Variants in PCDHA4 observed in about 807,000 individuals in gnomAD.
The protein encoded by PCDHA4 is protocadherin alpha-4.
A neutral mutation model predicts 61.4 loss-of-function variants in PCDHA4; 49 were observed. The observed-to-expected ratio is 0.80, with a 90% CI of 0.63 to 1.01. The LOEUF is 1.01. Ranked by LOEUF, PCDHA4 falls within the 50% of genes least tolerant of loss-of-function variation. The probability of loss-of-function intolerance (pLI) is 0.00; values close to 1 mark genes in which losing one functional copy is unlikely to be tolerated. For missense variants in PCDHA4, 1,254 were observed against 1,235.8 expected (o/e 1.01, Z -0.22); for synonymous variants, 590 against 550.3 (o/e 1.07, Z -1.01).
rs1554149566 is a variant in PCDHA4 at position 140,857,139 on chromosome 5, T to C, written c.2385+47567T>C. ...CTCCCAGTGAAAGAAGATGCTCAAG[T>C]GGGCACCGTCATTGCCCTAATCAGC... On this transcript the variant is annotated intron_variant, in intron 1 of 3. Transcript: ENST00000530339. 4 of 1,598,152 alleles carry C rather than the reference T, an allele frequency of 2.5e-6. 1 individual carries two copies. The highest frequency in any genetic ancestry group is 1.7e-5 in the Admixed American group (1 of 59,246).
chr5:140,837,058 T>C, intron 1 of PCDHA4: 1 of 190,160 alleles, frequency 5.3e-6, no homozygotes, highest in Non-Finnish European at 1.1e-5. Flanking sequence ...TACATTTCCA[T>C]ATTTTGATAA....
At position 140,849,867 on chromosome 5, in the gene PCDHA4, T is replaced by C. The variant is rs2150454998; in HGVS notation, c.2385+40295T>C. On this transcript the variant is annotated intron_variant, in intron 1 of 3. Coordinates refer to ENST00000530339, the MANE Select transcript of PCDHA4 (RefSeq NM_018907.4). ...CGACAACGCACCAGCGTTCGCGCAG[T>C]CCGAGTACACGGTGTTCGTGAAGGA... The C allele has an allele frequency of 6.1e-5, 97 of 1,598,416 alleles. 5 individuals carry two copies. Among genetic ancestry groups the C allele is most frequent in the Non-Finnish European group, 6.9e-5 (81 of 1,167,974 alleles).
At chr5:140,815,065 G>A (rs1000683803) in intron 1 of PCDHA4, 1 of 151,794 alleles carries the variant, frequency 6.6e-6, no homozygotes, top group African/African-American at 2.4e-5. Flanking sequence ...TAACTTTCAG[G>A]CTATCCAGGT....
At chr5:140,927,409 A>T (rs1554204480) in intron 1 of PCDHA4, 4 of 1,614,120 alleles carry the variant, frequency 2.5e-6, no homozygotes, top group Non-Finnish European at 3.4e-6. Context: ...TCGCCTGGAC[A>T]TGGGATCGCG....
At chr5:140,869,908 C>G in intron 1 of PCDHA4, 4 of 1,610,646 alleles carry the variant, frequency 2.5e-6, no homozygotes, top group Non-Finnish European at 3.4e-6. Flanking sequence ...CGCCACAGAC[C>G]GAGACGAAGG....
At chr5:140,855,607 T>C (rs1157385251) in intron 1 of PCDHA4, among the ~76,000 whole-genome samples, 2 of 149,722 alleles carry the variant, frequency 1.3e-5, no homozygotes, top group African/African-American at 4.9e-5. Context: ...AGTATGCAAA[T>C]ATTAAGGGCA....
At chr5:140,933,106 C>T (rs2088855819) in intron 1 of PCDHA4, among the ~76,000 whole-genome samples, 1 of 151,884 alleles carries the variant, frequency 6.6e-6, no homozygotes. Context: ...AAAGGTTGTT[C>T]TTAAGAAACA....
chr5:140,827,875 C>A (rs538155297), intron 1 of PCDHA4: 1 of 643,830 alleles, frequency 1.6e-6, no homozygotes, highest in South Asian at 2.0e-5. Context: ...AGCACTGTTA[C>A]GTGAATTGAT....
chr5:140,828,926 T>C (rs2150160859), intron 1 of PCDHA4: 9 of 1,614,260 alleles, frequency 5.6e-6, no homozygotes, highest in African/African-American at 5.3e-5. Context: ...GGCAATTTCA[T>C]ATTCTTTTAA....
At chr5:140,874,117 T>C (rs1349618614) in intron 1 of PCDHA4, among the ~76,000 whole-genome samples, 2 of 152,248 alleles carry the variant, frequency 1.3e-5, no homozygotes, top group Admixed American at 1.3e-4. Context: ...TAACGTTTTA[T>C]AGTTTATTTA....
chr5:140,972,837 T>C (rs1328315293), intron 1 of PCDHA4, among the ~76,000 whole-genome samples: 1 of 152,004 alleles, frequency 6.6e-6, no homozygotes, highest in Non-Finnish European at 1.5e-5. Context: ...CTAATTTTTG[T>C]ATTTTTAGTA....
At chr5:140,976,697 T>C (rs2096727777) in intron 1 of PCDHA4, among the ~76,000 whole-genome samples, 1 of 152,224 alleles carries the variant, frequency 6.6e-6, no homozygotes, top group Non-Finnish European at 1.5e-5. Context: ...AGTACAATAA[T>C]GTTGACTTTG....
chr5:140,834,743 C>A (rs2150225305), intron 1 of PCDHA4: 4 of 1,614,056 alleles, frequency 2.5e-6, no homozygotes, highest in African/African-American at 1.3e-5. Context: ...TCCATGTGGA[C>A]GTGGAGGTGA....
rs1210767626 is a variant in PCDHA4 at position 141,010,197 on chromosome 5, C to G, written c.*260C>G. 83 of 1,552,082 alleles carry G rather than the reference C, an allele frequency of 5.3e-5. No homozygotes were observed. Among genetic ancestry groups the G allele is most frequent in the Non-Finnish European group, 6.6e-5 (76 of 1,147,118 alleles). On this transcript the variant is annotated 3_prime_UTR_variant, in exon 4 of 4. Coordinates refer to ENST00000530339, the MANE Select transcript of PCDHA4 (RefSeq NM_018907.4). ...AAAAGCAGACCCAAGTTTCCTTTCT[C>G]CTCCGCCGCAAAGGAGAGGCTTCCC...
chr5:140,920,854 A>C (rs1369314704), intron 1 of PCDHA4, among the ~76,000 whole-genome samples: 1 of 152,006 alleles, frequency 6.6e-6, no homozygotes, highest in East Asian at 1.9e-4. Context: ...AAAAAAAAAA[A>C]AAAACAAACA....
At chr5:140,939,262 T>G (rs1371349789) in intron 1 of PCDHA4, among the ~76,000 whole-genome samples, 1 of 152,146 alleles carries the variant, frequency 6.6e-6, no homozygotes, top group Non-Finnish European at 1.5e-5. Context: ...GGAACCTCTT[T>G]TATGAGAGCT....
At chr5:140,881,579 C>A (rs1299755224) in intron 1 of PCDHA4, among the ~76,000 whole-genome samples, 1 of 152,168 alleles carries the variant, frequency 6.6e-6, no homozygotes, top group Non-Finnish European at 1.5e-5. Context: ...TCTCAAGTCA[C>A]ATTGAGGGAA....
At chr5:140,989,317 C>G (rs184467267) in intron 3 of PCDHA4, among the ~76,000 whole-genome samples, 2 of 152,126 alleles carry the variant, frequency 1.3e-5, no homozygotes, top group Non-Finnish European at 2.9e-5. Context: ...TAGGGTCTCA[C>G]CAACTTTGCC....
At chr5:140,826,951 A>T (rs1261323205) in intron 1 of PCDHA4, among the ~76,000 whole-genome samples, 1 of 152,224 alleles carries the variant, frequency 6.6e-6, no homozygotes, top group Non-Finnish European at 1.5e-5. Flanking sequence ...GAATAAGGCA[A>T]GCCAGGGAAA....
Sources: gnomAD v4.1 joint callset for allele counts (sites outside exome capture counted in the v4.1 genomes callset) on GRCh38, gnomAD v4.1.1 for gene constraint, MANE v1.5 for transcripts, NCBI Gene and HGNC (gene_info 2026-07-23, HGNC 2026-07-21) for gene names.